SEPTIN9: variants seen among roughly 807,000 people sequenced by gnomAD.
SEPTIN9 encodes the protein septin 9, also known as septin-9.
Under a neutral mutation model 56.6 loss-of-function variants are expected in SEPTIN9, and 13 were observed. That is an observed-to-expected ratio of 0.23 (90% CI 0.15 to 0.37). The LOEUF (loss-of-function observed/expected upper bound fraction) is 0.37. Among genes scored for constraint, SEPTIN9 ranks in the 10% least tolerant of loss-of-function variants. The pLI is 1.00. For missense variants in SEPTIN9, 650 were observed against 823.1 expected (o/e 0.79, Z 2.57); for synonymous variants, 332 against 334.1 (o/e 0.99, Z 0.07).
At chr17:77,396,661 C>T (rs865890789) in intron 2 of SEPTIN9, among the ~76,000 whole-genome samples, 1 of 152,082 alleles carries the variant, frequency 6.6e-6, no homozygotes, top group South Asian at 2.1e-4. Context: ...GGAGGAGATG[C>T]TGGGGAGCCC....
At chr17:77,371,000 G>A (rs137903994) in intron 2 of SEPTIN9, among the ~76,000 whole-genome samples, 18 of 152,276 alleles carry the variant, frequency 1.2e-4, no homozygotes, top group African/African-American at 4.1e-4. Flanking sequence ...GTGCCCAGCT[G>A]TTTCCCATCT....
intron 2 of SEPTIN9, among the ~76,000 whole-genome samples, chr17:77,321,801 C>A (rs987708046): frequency 5.3e-5 from 8 of 152,186 alleles, no homozygotes; most frequent in Non-Finnish European, 1.5e-5. Context: ...CCAGGGGAGA[C>A]GGCAGAAGGC....
chr17:77,465,544 C>T (rs2038676818), intron 3 of SEPTIN9, among the ~76,000 whole-genome samples: 1 of 151,376 alleles, frequency 6.6e-6, no homozygotes, highest in Non-Finnish European at 1.5e-5. Context: ...GAGGCCAAAG[C>T]CCCCTTTGTT....
intron 2 of SEPTIN9, among the ~76,000 whole-genome samples, chr17:77,333,485 C>T (rs2033436505): frequency 6.6e-6 from 1 of 152,204 alleles, no homozygotes; most frequent in Admixed American, 6.5e-5. Context: ...CCTCTGCCTC[C>T]CCAAGAGCCG....
At chr17:77,390,224 G>A (rs1598296940) in intron 2 of SEPTIN9, among the ~76,000 whole-genome samples, 1 of 151,424 alleles carries the variant, frequency 6.6e-6, no homozygotes, top group East Asian at 2.0e-4. Flanking sequence ...GCAGGCGCCC[G>A]TAGTCCCAGC....
At chr17:77,395,249 C>T (rs1219588025) in intron 2 of SEPTIN9, among the ~76,000 whole-genome samples, 4 of 151,676 alleles carry the variant, frequency 2.6e-5, no homozygotes, top group African/African-American at 7.3e-5. Flanking sequence ...CAATATTGGC[C>T]GGGTGCAGTG....
At position 77,321,157 on chromosome 17, in the gene SEPTIN9, C is replaced by T. The variant is rs372768312; in HGVS notation, c.76+13960C>T. 1.0e-3 allele frequency among the ~76,000 whole-genome samples: 157 copies of T among 152,316 alleles called. 5 individuals carry two copies. The South Asian group carries it at 0.024, about 23-fold the overall frequency. The stretch of plus-strand genomic sequence containing the variant: ...CGCTCATGCCGCCCTCTGAGCCCAG[C>T]GCTGGGAGACATGGGGTGGCTGAGC... On this transcript the variant is annotated intron_variant, in intron 2 of 11. Transcript: ENST00000427177.
intron 2 of SEPTIN9, among the ~76,000 whole-genome samples, chr17:77,348,618 G>T (rs1318184009): frequency 6.6e-6 from 1 of 152,002 alleles, no homozygotes; most frequent in Admixed American, 6.6e-5. Flanking sequence ...CTTTTTAATT[G>T]TATCTCTTTG....
chr17:77,304,346 T>C (rs943119556), intron 1 of SEPTIN9, among the ~76,000 whole-genome samples: 2 of 152,062 alleles, frequency 1.3e-5, no homozygotes, highest in East Asian at 3.8e-4. Context: ...ATCAGAAAAA[T>C]AAACAGTGTA....
At chr17:77,306,388 G>C (rs2032266077) in intron 1 of SEPTIN9, among the ~76,000 whole-genome samples, 1 of 152,168 alleles carries the variant, frequency 6.6e-6, no homozygotes, top group Non-Finnish European at 1.5e-5. Flanking sequence ...GTGCTCCCAG[G>C]GCCGCTCCTC....
chr17:77,448,140 C>T (rs971295426), intron 3 of SEPTIN9, among the ~76,000 whole-genome samples: 4 of 152,146 alleles, frequency 2.6e-5, no homozygotes, highest in African/African-American at 9.7e-5. Flanking sequence ...TCCAAATCAA[C>T]AGCTCTCTGA....
At chr17:77,479,957 G>A (rs995386140) in intron 3 of SEPTIN9, among the ~76,000 whole-genome samples, 5 of 152,204 alleles carry the variant, frequency 3.3e-5, no homozygotes, top group African/African-American at 1.2e-4. Flanking sequence ...ATGGCCAGAT[G>A]CAGGGCTGTG....
At chr17:77,470,318 C>CCTCT (rs1191516780) in intron 3 of SEPTIN9, among the ~76,000 whole-genome samples, 2 of 151,310 alleles carry the variant, frequency 1.3e-5, no homozygotes, top group Non-Finnish European at 2.9e-5. Flanking sequence ...ACTCACCCAT[C>CCTCT]CATCTACCCA....
At chr17:77,423,694 G>A (rs58223092) in intron 3 of SEPTIN9, among the ~76,000 whole-genome samples, 4 of 152,242 alleles carry the variant, frequency 2.6e-5, no homozygotes, top group Non-Finnish European at 1.5e-5. Context: ...CACTGCCCCC[G>A]TCGCGTTCCT....
rs1040087512 is a variant in SEPTIN9 at position 77,371,519 on chromosome 17, G to A, written c.77-30540G>A. Among the ~76,000 whole-genome samples, 2 of 152,218 alleles carry A rather than the reference G, an allele frequency of 1.3e-5. No homozygotes were observed. The highest frequency in any genetic ancestry group is 2.9e-5 in the Non-Finnish European group (2 of 68,044). On this transcript the variant is annotated intron_variant, in intron 2 of 11. Coordinates refer to ENST00000427177, the MANE Select transcript of SEPTIN9 (RefSeq NM_001113491.2). The surrounding 1 kb of genome is among the most constrained non-coding windows in gnomAD (Gnocchi z 4.1). ...TGCTGTGGCTTAGGATGGCTGTTGT[G>A]CCGGACCCGGCATCTTCCCAGGGGG...
chr17:77,393,778 G>T (rs960291612), intron 2 of SEPTIN9, among the ~76,000 whole-genome samples: 4 of 152,158 alleles, frequency 2.6e-5, no homozygotes, highest in Non-Finnish European at 5.9e-5. Context: ...TAGAGATGGG[G>T]TTTCTCCATT....
At position 77,323,198 on chromosome 17, in the gene SEPTIN9, C is replaced by T. The variant is rs545047843; in HGVS notation, c.76+16001C>T. On this transcript the variant is annotated intron_variant, in intron 2 of 11. Transcript: ENST00000427177. The surrounding 1 kb of genome is among the most constrained non-coding windows in gnomAD (Gnocchi z 6.8). ...CTCCCGCCCTCCCTGGGGGCTGTGG[C>T]CTTCCCCTGGGAAGGTGCTGGAGGG... Among the ~76,000 whole-genome samples the T allele has an allele frequency of 6.6e-6, 1 of 152,250 alleles. No individual in the cohort carries two copies. The highest frequency in any genetic ancestry group is 2.4e-5 in the African/African-American group (1 of 41,552).
intron 11 of SEPTIN9, among the ~76,000 whole-genome samples, 174 bp from the exon 12 acceptor site, chr17:77,498,349 C>T (rs1038934962): frequency 1.8e-4 from 27 of 151,702 alleles, no homozygotes; most frequent in Non-Finnish European, 3.5e-4. Context: ...TGTACCAGAT[C>T]TGGTCCAACA....
chr17:77,353,932 A>T (rs2034141062), intron 2 of SEPTIN9, among the ~76,000 whole-genome samples: 1 of 152,152 alleles, frequency 6.6e-6, no homozygotes, highest in African/African-American at 2.4e-5. Flanking sequence ...AAGAACACGA[A>T]GACCCGAGGC....
Sources: allele counts gnomAD v4.1 joint callset (sites outside exome capture counted in the v4.1 genomes callset), GRCh38; gene constraint gnomAD v4.1.1; non-coding constraint Gnocchi (gnomAD v3.1); transcripts MANE v1.5; gene names NCBI Gene and HGNC (gene_info 2026-07-23, HGNC 2026-07-21).